The following KIAA1328 variants were observed in gnomAD, a reference collection of about 807,000 sequenced individuals.
KIAA1328 encodes protein hinderin.
Under a neutral mutation model 68.1 loss-of-function variants are expected in KIAA1328, and 52 were observed. That is an observed-to-expected ratio of 0.76 (90% CI 0.61 to 0.96). The LOEUF (loss-of-function observed/expected upper bound fraction) is 0.96. Among genes scored for constraint, KIAA1328 ranks in the 40% least tolerant of loss-of-function variants. KIAA1328 has a pLI of 0.00. For missense variants in KIAA1328, 641 were observed against 677.6 expected (o/e 0.95, Z 0.60); for synonymous variants, 232 against 239.4 (o/e 0.97, Z 0.28).
chr18:37,030,649 G>T (rs2054786561), intron 6 of KIAA1328, among the ~76,000 whole-genome samples: 1 of 151,956 alleles, frequency 6.6e-6, no homozygotes, highest in Non-Finnish European at 1.5e-5. Context: ...ATAGTATTCT[G>T]TTTATCAGTA....
chr18:37,094,964 A>C (rs577235926), intron 7 of KIAA1328, among the ~76,000 whole-genome samples: 4 of 150,524 alleles, frequency 2.7e-5, no homozygotes, highest in Non-Finnish European at 4.4e-5. Context: ...AAAAAAAAAA[A>C]ACATCAAAAG....
intron 5 of KIAA1328, among the ~76,000 whole-genome samples, chr18:36,919,138 A>G (rs939490519): frequency 6.6e-6 from 1 of 152,132 alleles, no homozygotes; most frequent in African/African-American, 2.4e-5. Flanking sequence ...TATTATTATT[A>G]TACATATATG....
intron 7 of KIAA1328, among the ~76,000 whole-genome samples, chr18:37,092,702 C>T (rs2057299443): frequency 1.3e-5 from 2 of 152,218 alleles, no homozygotes; most frequent in South Asian, 4.1e-4. Context: ...CCCAGAATCC[C>T]AAGGACTGGC....
At chr18:37,170,220 G>A (rs897840609) in intron 8 of KIAA1328, among the ~76,000 whole-genome samples, 1 of 151,932 alleles carries the variant, frequency 6.6e-6, no homozygotes, top group Non-Finnish European at 1.5e-5. Flanking sequence ...TGTTGTTACT[G>A]TTTTATTTTT....
chr18:36,878,432 G>A (rs901987662), intron 4 of KIAA1328, among the ~76,000 whole-genome samples: 3 of 152,080 alleles, frequency 2.0e-5, no homozygotes, highest in African/African-American at 7.2e-5. Flanking sequence ...CTTTCTCTCT[G>A]GCTGCCCTTA....
At chr18:36,949,597 T>TCCCCCCCCCCCCCCCCCCCCCCCC (rs71168248) in intron 5 of KIAA1328, among the ~76,000 whole-genome samples, 1 of 57,360 alleles carries the variant, frequency 1.7e-5, no homozygotes, top group Non-Finnish European at 3.4e-5. Flanking sequence ...TCTACCCAGC[T>TCCCCCCCCCCCCCCCCCCCCCCCC]CCCCCCCCCC....
chr18:36,968,506 A>G (rs2052036231), intron 6 of KIAA1328, among the ~76,000 whole-genome samples: 1 of 150,530 alleles, frequency 6.6e-6, no homozygotes, highest in Non-Finnish European at 1.5e-5. Context: ...CATCTTGCCT[A>G]GAATCAGAAA....
At chr18:37,203,880 G>C (rs533350674) in intron 9 of KIAA1328, among the ~76,000 whole-genome samples, 1 of 151,482 alleles carries the variant, frequency 6.6e-6, no homozygotes, top group African/African-American at 2.4e-5. Context: ...CGCCATCTCA[G>C]CTCACTGCAA....
At chr18:36,960,515 C>T (rs1230148418) in intron 6 of KIAA1328, among the ~76,000 whole-genome samples, 2 of 152,220 alleles carry the variant, frequency 1.3e-5, no homozygotes, top group African/African-American at 4.8e-5. Flanking sequence ...AAGTGGATCC[C>T]TGACCACTGT....
intron 6 of KIAA1328, among the ~76,000 whole-genome samples, chr18:37,020,084 G>C (rs1274975102): frequency 6.6e-6 from 1 of 152,150 alleles, no homozygotes. Context: ...GGTGATTAAG[G>C]CTGCTGGACA....
At chr18:36,968,394 C>T (rs534602931) in intron 6 of KIAA1328, among the ~76,000 whole-genome samples, 8 of 151,976 alleles carry the variant, frequency 5.3e-5, no homozygotes, top group East Asian at 1.9e-4. Context: ...CAGTGACACC[C>T]GTAGGCTAAA....
intron 7 of KIAA1328, among the ~76,000 whole-genome samples, chr18:37,089,762 A>G (rs139481398): frequency 5.3e-5 from 8 of 152,336 alleles, no homozygotes; most frequent in African/African-American, 1.9e-4. Flanking sequence ...ATTGCTCAGT[A>G]TTATATAAAA....
chr18:37,064,157 A>G (rs1002941329), intron 6 of KIAA1328, among the ~76,000 whole-genome samples: 3 of 152,134 alleles, frequency 2.0e-5, no homozygotes, highest in Admixed American at 2.0e-4. Context: ...TTCATATTCT[A>G]TTGCTTGTCA....
chr18:37,019,636 C>G (rs948612071), intron 6 of KIAA1328, among the ~76,000 whole-genome samples: 1 of 152,350 alleles, frequency 6.6e-6, no homozygotes, highest in Non-Finnish European at 1.5e-5. Flanking sequence ...GCAACTTACA[C>G]TCTTAATCCA....
intron 5 of KIAA1328, among the ~76,000 whole-genome samples, chr18:36,887,602 C>A (rs2048544079): frequency 1.3e-5 from 2 of 152,098 alleles, no homozygotes; most frequent in Admixed American, 1.3e-4. Context: ...TACTCCCCAC[C>A]CAGTGGTCTT....
intron 6 of KIAA1328, among the ~76,000 whole-genome samples, chr18:37,043,266 T>C (rs562229703): frequency 1.3e-5 from 2 of 152,008 alleles, no homozygotes; most frequent in South Asian, 2.1e-4. Context: ...CACTTTCTAT[T>C]GATTGGCTTT....
intron 4 of KIAA1328, among the ~76,000 whole-genome samples, chr18:36,877,190 G>A (rs1400245808): frequency 6.6e-6 from 1 of 152,106 alleles, no homozygotes; most frequent in African/African-American, 2.4e-5. Flanking sequence ...TGTCTATTAG[G>A]TCTGCTTGGT....
intron 4 of KIAA1328, among the ~76,000 whole-genome samples, chr18:36,869,247 G>C (rs1001043085): frequency 2.0e-5 from 3 of 152,128 alleles, no homozygotes; most frequent in African/African-American, 7.2e-5. Context: ...CCATTTTCAG[G>C]TGGTTGTTCT....
At chr18:36,865,923 TCTTTA>T (rs2047733900) in intron 4 of KIAA1328, among the ~76,000 whole-genome samples, 1 of 152,178 alleles carries the variant, frequency 6.6e-6, no homozygotes, top group Non-Finnish European at 1.5e-5. Context: ...GTGGATGTCC[TCTTTA>T]CCCACCTCAG....
Sources: allele counts gnomAD v4.1 joint callset (sites outside exome capture counted in the v4.1 genomes callset), GRCh38; gene constraint gnomAD v4.1.1; transcripts MANE v1.5; gene names NCBI Gene and HGNC (gene_info 2026-07-23, HGNC 2026-07-21).